GPRIN3: variants seen among roughly 807,000 people sequenced by gnomAD.
GPRIN3 encodes the protein GPRIN family member 3.
A neutral mutation model predicts 13.7 loss-of-function variants in GPRIN3; 12 were observed. The ratio of observed to expected loss-of-function variants is 0.87; its 90% CI spans 0.56 to 1.42. GPRIN3 has a LOEUF of 1.42. GPRIN3 is among the 40% of genes most tolerant of loss of function. The pLI is 0.00. For missense variants in GPRIN3, 1,009 were observed against 958.7 expected (o/e 1.05, Z -0.69); for synonymous variants, 377 against 372.7 (o/e 1.01, Z -0.13).
rs980703471 is a variant in GPRIN3 at position 89,241,083 on chromosome 4, G to T, written c.*6697C>A. On this transcript the variant is annotated 3_prime_UTR_variant, in exon 2 of 2. Transcript: ENST00000609438. ...AATGTAAATTATCCCAGTGGTCAAA[G>T]AACTGACCTTACCTGTGACTAATGG... is the stretch of plus-strand genomic sequence containing the variant. 1 of 152,110 alleles carries T rather than the reference G, an allele frequency of 6.6e-6. No homozygotes were observed. The highest frequency in any genetic ancestry group is 2.1e-4 in the South Asian group (1 of 4,826). The allele number at this position is 152,110 out of a possible 1,614,324, so 9.4% of individuals were successfully genotyped here.
At chr4:89,264,707 T>A (rs892968697) in intron 1 of GPRIN3, among the ~76,000 whole-genome samples, 9 of 152,198 alleles carry the variant, frequency 5.9e-5, no homozygotes, top group Admixed American at 5.9e-4. Flanking sequence ...TTTGCTCATA[T>A]GTCCATTTGC....
chr4:89,245,665 T>C lies in GPRIN3; in HGVS notation c.*2115A>G, dbSNP rs913076557. 3 of 152,246 alleles carry C rather than the reference T, an allele frequency of 2.0e-5. No individual in the cohort carries two copies. In the East Asian group the frequency reaches 5.8e-4, roughly 29 times the overall value. 9.4% of individuals were successfully genotyped at this position (152,246 alleles called of 1,614,324 possible). A position where few individuals can be genotyped will look rare whatever the true frequency, so the allele number is the denominator to read the frequency against. ...GCTACTGTGTACACAGGCTGTACTC[T>C]GTGTATACACAGCATGTATGCCCAT... On this transcript the variant is annotated 3_prime_UTR_variant, in exon 2 of 2. Transcript: ENST00000609438.
In GPRIN3 at chr4:89,252,866, G is replaced by T. The variant is rs148092909; in HGVS notation, c.-123-2633C>A. Among the ~76,000 whole-genome samples, 1,029 of 151,968 alleles carry T rather than the reference G, an allele frequency of 6.8e-3. 12 individuals are homozygous for T. Among genetic ancestry groups the T allele is most frequent in the African/African-American group, 0.024 (977 of 41,460 alleles). The stretch of plus-strand genomic sequence containing the variant: ...CCCAGCCAGTCTTTCACTCTGTTTT[G>T]CATTTGTGTTTATTATACTTTTCCT... On this transcript the variant is annotated intron_variant, in intron 1 of 1. Transcript: ENST00000609438.
rs117386513 is a variant in GPRIN3 at position 89,258,466 on chromosome 4, G to A, written c.-123-8233C>T. 8.4e-3 allele frequency among the ~76,000 whole-genome samples: 1,283 copies of A among 152,104 alleles called. 42 individuals are homozygous for A. The highest frequency in any genetic ancestry group is 0.059 in the East Asian group (305 of 5,158). On this transcript the variant is annotated intron_variant, in intron 1 of 1. Coordinates refer to ENST00000609438, the MANE Select transcript of GPRIN3 (RefSeq NM_198281.3). ...TCCTGACCTCGTGATCCACTCCCTCGACCTCCCAAAGTGCTGGGATTACAG... is the reference window on the plus strand; with the variant it reads ...TCCTGACCTCGTGATCCACTCCCTCAACCTCCCAAAGTGCTGGGATTACAG...
At chr4:89,284,884 A>G (rs1163909020) in intron 1 of GPRIN3, among the ~76,000 whole-genome samples, 1 of 152,208 alleles carries the variant, frequency 6.6e-6, no homozygotes, top group Non-Finnish European at 1.5e-5. Flanking sequence ...GAAGGAGAGG[A>G]GCCTGAATTC....
chr4:89,253,172 T>C (rs183188426), intron 1 of GPRIN3, among the ~76,000 whole-genome samples: 2 of 152,282 alleles, frequency 1.3e-5, no homozygotes, highest in Admixed American at 6.5e-5. Context: ...AAGAAGCCTA[T>C]TGATTCATTT....
In GPRIN3 at chr4:89,245,847, G is replaced by C. The variant is rs1308339564; in HGVS notation, c.*1933C>G. ...CTAATCATTAATAGTAATTTGCTTGGTAATTTGATGGAAATTTCAACATTA... is the reference window on the plus strand; with the variant it reads ...CTAATCATTAATAGTAATTTGCTTGCTAATTTGATGGAAATTTCAACATTA... On this transcript the variant is annotated 3_prime_UTR_variant, in exon 2 of 2. Coordinates refer to ENST00000609438, the MANE Select transcript of GPRIN3 (RefSeq NM_198281.3). 2.4e-5 allele frequency: 3 copies of C among 124,192 alleles called. No homozygotes were observed. Among genetic ancestry groups the C allele is most frequent in the Non-Finnish European group, 5.2e-5 (3 of 57,838 alleles). The allele number at this position is 124,192 out of a possible 1,614,324, so 7.7% of individuals were successfully genotyped here.
At position 89,243,242 on chromosome 4, in the gene GPRIN3, T is replaced by C. The variant is rs1722993520; in HGVS notation, c.*4538A>G. On this transcript the variant is annotated 3_prime_UTR_variant, in exon 2 of 2. Transcript: ENST00000609438. Reference sequence around the variant, plus strand: ...ATCTGTTTCAGTATTTACAAGACTATTTTTTTTCCCATTTGCAAAAATGTC... The same window carrying C: ...ATCTGTTTCAGTATTTACAAGACTACTTTTTTTCCCATTTGCAAAAATGTC... 6.6e-6 allele frequency: 1 copy of C among 151,874 alleles called. No individual in the cohort carries two copies. The highest frequency in any genetic ancestry group is 6.6e-5 in the Admixed American group (1 of 15,080). 9.4% of individuals were successfully genotyped at this position (151,874 alleles called of 1,614,324 possible).
intron 1 of GPRIN3, among the ~76,000 whole-genome samples, chr4:89,296,714 C>T (rs1341500161): frequency 2.0e-5 from 3 of 152,134 alleles, no homozygotes; most frequent in African/African-American, 7.2e-5. Flanking sequence ...ATAAGAAACA[C>T]ATTTGGTTTT....
intron 1 of GPRIN3, among the ~76,000 whole-genome samples, chr4:89,291,405 G>T (rs1195461725): frequency 1.3e-5 from 2 of 151,980 alleles, no homozygotes; most frequent in Non-Finnish European, 2.9e-5. Flanking sequence ...GTGTTCTCCA[G>T]AATGTCACAT....
chr4:89,277,146 A>G lies in GPRIN3; in HGVS notation c.-123-26913T>C, dbSNP rs570930804. Among the ~76,000 whole-genome samples, 9 of 152,128 alleles carry G rather than the reference A, an allele frequency of 5.9e-5. 1 individual carries two copies. In the East Asian group the frequency reaches 1.5e-3, roughly 26 times the overall value. ...CGGTGCTGTGGCCTCAGAACAATCT[A>G]TTTTCTATTGTAGTGGCTTTTGGGG... is the stretch of plus-strand genomic sequence containing the variant. On this transcript the variant is annotated intron_variant, in intron 1 of 1. Transcript: ENST00000609438.
At chr4:89,269,716 G>T (rs765779411) in intron 1 of GPRIN3, among the ~76,000 whole-genome samples, 1 of 152,116 alleles carries the variant, frequency 6.6e-6, no homozygotes, top group Non-Finnish European at 1.5e-5. Context: ...AAAACCATGA[G>T]GATTGTGCAG....
In GPRIN3 at chr4:89,249,516, C is replaced by T; in HGVS notation, c.595G>A (p.Val199Met). 3 of 1,614,192 alleles carry T rather than the reference C, an allele frequency of 1.9e-6. No individual in the cohort carries two copies. The East Asian group carries it at 6.7e-5, about 36-fold the overall frequency. ...FPSPETIQGT[V>M]QTPVTAARVV... ...CTGGCTGCTGTCACTGGAGTCTGCA[C>T]TGTTCCCTGGATTGTTTCTGGAGAA... Residue 199 changes from valine (V) to methionine (M), a missense_variant, in exon 2 of 2, where the codon GTG becomes ATG. Physicochemically the swap from Val to Met is conservative, Grantham distance 21. Transcript: ENST00000609438.
chr4:89,259,502 C>T (rs1250993434), intron 1 of GPRIN3, among the ~76,000 whole-genome samples: 4 of 152,202 alleles, frequency 2.6e-5, no homozygotes, highest in Non-Finnish European at 5.9e-5. Flanking sequence ...AGGCAGCCTC[C>T]ATTTGCATGT....
At chr4:89,278,577 C>T (rs112869589) in intron 1 of GPRIN3, among the ~76,000 whole-genome samples, 63 of 152,320 alleles carry the variant, frequency 4.1e-4, no homozygotes, top group African/African-American at 1.5e-3. Context: ...GGCTAGCATA[C>T]AGACAAGAAG....
At chr4:89,289,197 C>T (rs1202333967) in intron 1 of GPRIN3, among the ~76,000 whole-genome samples, 1 of 150,856 alleles carries the variant, frequency 6.6e-6, no homozygotes, top group Non-Finnish European at 1.5e-5. Flanking sequence ...AGCCAGGCAT[C>T]TCCCTTTCCT....
chr4:89,271,360 A>G (rs540534228), intron 1 of GPRIN3, among the ~76,000 whole-genome samples: 1 of 152,200 alleles, frequency 6.6e-6, no homozygotes, highest in East Asian at 1.9e-4. Flanking sequence ...TCAAAGACCC[A>G]TTCCCAGTGC....
chr4:89,259,072 C>T (rs1318825494), intron 1 of GPRIN3, among the ~76,000 whole-genome samples: 2 of 152,112 alleles, frequency 1.3e-5, no homozygotes, highest in Admixed American at 6.5e-5. Flanking sequence ...TTACATGGTC[C>T]AACATTTAAA....
At chr4:89,262,427 A>G (rs887782723) in intron 1 of GPRIN3, among the ~76,000 whole-genome samples, 1 of 152,158 alleles carries the variant, frequency 6.6e-6, no homozygotes, top group African/African-American at 2.4e-5. Context: ...GGAATTTTAA[A>G]CTATATGAAC....
Sources: allele counts gnomAD v4.1 joint callset (sites outside exome capture counted in the v4.1 genomes callset), GRCh38; gene constraint gnomAD v4.1.1; transcripts MANE v1.5; gene names NCBI Gene and HGNC (gene_info 2026-07-23, HGNC 2026-07-21).